Variants in ZNF469 observed in about 807,000 individuals in gnomAD.
ZNF469 encodes zinc finger protein 469.
ZNF469 carries 1 observed loss-of-function variant against 1.0 expected under a neutral mutation model. That is an observed-to-expected ratio of 1.00 (90% CI 0.35 to 4.73). The LOEUF (loss-of-function observed/expected upper bound fraction) is 4.73. Ranked by LOEUF, ZNF469 falls within the 30% of genes most tolerant of loss-of-function variation. The pLI, the probability that ZNF469 is intolerant of heterozygous loss-of-function variation, is 0.16. For missense variants in ZNF469, 6,100 were observed against 5,356.3 expected, an observed-to-expected ratio of 1.14 and a Z score of -4.33; for synonymous variants, 2,703 against 2,363.4, an observed-to-expected ratio of 1.14 and a Z score of -4.17.
At chr16:88,348,637 C>G in the ZNF469 span, among the ~76,000 whole-genome samples, 5 of 152,184 alleles carry the variant, frequency 3.3e-5, no homozygotes, top group African/African-American at 1.2e-4. Context: ...ACAGCACTGA[C>G]CAGGGCCAGC....
At chr16:88,236,931 T>C in the ZNF469 span, among the ~76,000 whole-genome samples, 22 of 152,196 alleles carry the variant, frequency 1.4e-4, no homozygotes, top group South Asian at 4.2e-4. Context: ...ATCCCTCTAA[T>C]TTTTTCTTAA....
chr16:88,260,146 GTTTT>G, the ZNF469 span, among the ~76,000 whole-genome samples: 1 of 137,204 alleles, frequency 7.3e-6, no homozygotes. The surrounding 1 kb of genome is among the most constrained non-coding windows in gnomAD (Gnocchi z 4.1). Flanking sequence ...CCCTGCTAGT[GTTTT>G]TTTTTTTTTT....
chr16:88,199,912 C>T, the ZNF469 span, among the ~76,000 whole-genome samples: 16 of 152,332 alleles, frequency 1.1e-4, no homozygotes, highest in Non-Finnish European at 2.1e-4. Context: ...AAGGTGAGGC[C>T]GGACTGCATG....
At chr16:88,146,874 G>A in the ZNF469 span, among the ~76,000 whole-genome samples, 2,227 of 151,814 alleles carry the variant, frequency 0.015, 70 homozygotes, top group African/African-American at 0.051. Context: ...TGAAGGGGCC[G>A]GAAGAGCACG....
At chr16:88,157,115 G>T in the ZNF469 span, among the ~76,000 whole-genome samples, 1 of 152,150 alleles carries the variant, frequency 6.6e-6, no homozygotes, top group Non-Finnish European at 1.5e-5. Flanking sequence ...GTGTCCCGGA[G>T]GCTCCACAAC....
the ZNF469 span, among the ~76,000 whole-genome samples, chr16:88,288,653 G>A: frequency 9.2e-5 from 14 of 152,132 alleles, no homozygotes; most frequent in South Asian, 2.1e-4. Context: ...GGAGCTAGAC[G>A]GGACCCCTGA....
At chr16:88,174,131 T>C in the ZNF469 span, among the ~76,000 whole-genome samples, 1 of 152,004 alleles carries the variant, frequency 6.6e-6, no homozygotes, top group Non-Finnish European at 1.5e-5. Context: ...CACAAGTAGG[T>C]TAAAAGTAAG....
At chr16:88,405,175 C>T (rs1156620495) in intron 1 of ZNF469, among the ~76,000 whole-genome samples, 1 of 152,154 alleles carries the variant, frequency 6.6e-6, no homozygotes, top group Non-Finnish European at 1.5e-5. Flanking sequence ...GGGACATTTG[C>T]AGCCACAGGA....
At chr16:88,188,032 C>T in the ZNF469 span, among the ~76,000 whole-genome samples, 1 of 152,096 alleles carries the variant, frequency 6.6e-6, no homozygotes, top group Non-Finnish European at 1.5e-5. Context: ...GTTCTCCTCC[C>T]ATAACCCCAT....
At chr16:88,346,394 G>A in the ZNF469 span, among the ~76,000 whole-genome samples, 1 of 152,262 alleles carries the variant, frequency 6.6e-6, no homozygotes, top group Non-Finnish European at 1.5e-5. Context: ...GGAAACTCCA[G>A]GTCGGCTGCC....
chr16:88,157,706 T>C, the ZNF469 span, among the ~76,000 whole-genome samples: 1 of 152,216 alleles, frequency 6.6e-6, no homozygotes, highest in Non-Finnish European at 1.5e-5. Flanking sequence ...AGCTCCCCGC[T>C]CCTGGTGGCC....
the ZNF469 span, among the ~76,000 whole-genome samples, chr16:88,139,612 T>G: frequency 1.1e-4 from 17 of 151,766 alleles, no homozygotes; most frequent in African/African-American, 4.1e-4. Flanking sequence ...AGAAAATTGC[T>G]GTGAAAAGTG....
At chr16:88,336,404 C>G in the ZNF469 span, among the ~76,000 whole-genome samples, 1 of 151,528 alleles carries the variant, frequency 6.6e-6, no homozygotes, top group Non-Finnish European at 1.5e-5. Flanking sequence ...GTTCATCCTT[C>G]ACGTGAGACA....
chr16:88,279,814 T>A, the ZNF469 span, among the ~76,000 whole-genome samples: 10 of 71,786 alleles, frequency 1.4e-4, no homozygotes, highest in East Asian at 4.6e-4. Context: ...GGTCAGTACC[T>A]TGTAGATATC....
chr16:88,228,583 A>G, the ZNF469 span, among the ~76,000 whole-genome samples: 5 of 152,242 alleles, frequency 3.3e-5, no homozygotes, highest in Non-Finnish European at 4.4e-5. Context: ...GCTCATCCTG[A>G]GTGTCCAAAC....
the ZNF469 span, among the ~76,000 whole-genome samples, chr16:88,235,133 T>C: frequency 1.3e-5 from 2 of 152,134 alleles, no homozygotes; most frequent in Non-Finnish European, 2.9e-5. Flanking sequence ...TTGAGACTGG[T>C]TGACAAGGGA....
At chr16:88,321,660 C>A in the ZNF469 span, among the ~76,000 whole-genome samples, 1 of 152,174 alleles carries the variant, frequency 6.6e-6, no homozygotes, top group Non-Finnish European at 1.5e-5. Context: ...CCCTCGGATT[C>A]TGCTCATAAG....
At chr16:88,102,418 G>A in the ZNF469 span, among the ~76,000 whole-genome samples, 2 of 152,342 alleles carry the variant, frequency 1.3e-5, no homozygotes, top group East Asian at 3.9e-4. Flanking sequence ...TACTCAGGAG[G>A]CTGAACCTGG....
At chr16:88,249,426 T>TTC in the ZNF469 span, among the ~76,000 whole-genome samples, 73 of 54,610 alleles carry the variant, frequency 1.3e-3, no homozygotes, top group African/African-American at 5.6e-3. Context: ...TCTTTTTCTT[T>TTC]TTCTTTTTTT....
Sources: gnomAD v4.1 joint callset for allele counts (sites outside exome capture counted in the v4.1 genomes callset) on GRCh38, gnomAD v4.1.1 for gene constraint, Gnocchi (gnomAD v3.1) non-coding constraint, MANE v1.5 for transcripts, NCBI Gene and HGNC (gene_info 2026-07-23, HGNC 2026-07-21) for gene names.